Variants in SKI observed in about 807,000 individuals in gnomAD.
SKI encodes the protein ski oncogene.
In SKI, 23 loss-of-function variants were observed where a neutral mutation model predicts 59.3. The ratio of observed to expected loss-of-function variants is 0.39; its 90% CI spans 0.28 to 0.55. The LOEUF (loss-of-function observed/expected upper bound fraction) is 0.55, where lower values mean the gene tolerates loss of function less well. SKI is among the 20% of genes least tolerant of loss of function. The pLI, the probability that SKI is intolerant of heterozygous loss-of-function variation, is 0.67. For missense variants in SKI, 1,017 were observed against 1,038.9 expected (o/e 0.98, Z 0.29); for synonymous variants, 673 against 488.6 (o/e 1.38, Z -4.98).
chr1:2,254,195 CTGAT>C (rs1639225476), intron 1 of SKI, among the ~76,000 whole-genome samples: 1 of 152,204 alleles, frequency 6.6e-6, no homozygotes. Flanking sequence ...CCTCCAGACA[CTGAT>C]TGTGAAGAAT....
At chr1:2,285,010 T>A (rs530789906) in intron 1 of SKI, among the ~76,000 whole-genome samples, 3 of 152,346 alleles carry the variant, frequency 2.0e-5, no homozygotes, top group Admixed American at 6.5e-5. Context: ...TTGTTCTTGC[T>A]AAAGTTTTAT....
intron 1 of SKI, among the ~76,000 whole-genome samples, chr1:2,238,018 G>C (rs1295648453): frequency 6.6e-6 from 1 of 152,182 alleles, no homozygotes; most frequent in Non-Finnish European, 1.5e-5. Flanking sequence ...GCTGTCAAGG[G>C]CTTCTCTGTG....
intron 1 of SKI, among the ~76,000 whole-genome samples, chr1:2,300,014 G>C (rs1640384865): frequency 6.6e-6 from 1 of 152,232 alleles, no homozygotes; most frequent in Non-Finnish European, 1.5e-5. Context: ...GCTTTGCTCA[G>C]GAACTGTTCC....
chr1:2,303,342 G>C lies in SKI; in HGVS notation c.1153G>C (p.Ala385Pro). Reference protein sequence around the residue: ...RLSAFRPWSPAVSASEKELSP... With the variant: ...RLSAFRPWSPPVSASEKELSP... The stretch of plus-strand genomic sequence containing the variant: ...CTCTGCTTTCCGACCCTGGTCCCCC[G>C]CAGTGTCAGCGAGTGAGAAAGAGCT... The change falls in exon 3 of 7, where the codon GCA (alanine) becomes CCA (proline). Residue 385 changes from alanine (A) to proline (P), a missense_variant. Ala to Pro is a conservative substitution (Grantham distance 27, BLOSUM62 -1). Coordinates refer to ENST00000378536, the MANE Select transcript of SKI (RefSeq NM_003036.4). The surrounding 1 kb of genome is among the most constrained non-coding windows in gnomAD (Gnocchi z 5.6). The C allele has an allele frequency of 6.2e-7, 1 of 1,613,784 alleles. No individual in the cohort carries two copies. Among genetic ancestry groups the C allele is most frequent in the Non-Finnish European group, 8.5e-7 (1 of 1,180,028 alleles).
intron 1 of SKI, among the ~76,000 whole-genome samples, chr1:2,283,470 C>T (rs1051225297): frequency 6.6e-6 from 1 of 152,216 alleles, no homozygotes; most frequent in Non-Finnish European, 1.5e-5. Flanking sequence ...AGGGAGGGCC[C>T]TGTGATTCTC....
rs958169254 is a variant in SKI, at chr1:2,308,494, C to A, written c.*1729C>A. 2.6e-5 allele frequency: 4 copies of A among 152,252 alleles called. No individual in the cohort carries two copies. Among genetic ancestry groups the A allele is most frequent in the Non-Finnish European group, 5.9e-5 (4 of 68,050 alleles). The allele number at this position is 152,252 out of a possible 1,614,324, so 9.4% of individuals were successfully genotyped here. On this transcript the variant is annotated 3_prime_UTR_variant, in exon 7 of 7. Transcript: ENST00000378536. ...TTGTTCTGTGTGCATGGATTCCACA[C>A]CTCTGCCGTAGGTAGATCCGTCAGC...
chr1:2,240,890 C>T (rs1638856106), intron 1 of SKI: 8 of 754,522 alleles, frequency 1.1e-5, no homozygotes, highest in Non-Finnish European at 1.3e-5. Context: ...AGTGGCCCTG[C>T]GTCGACCCCA....
intron 1 of SKI, among the ~76,000 whole-genome samples, chr1:2,236,932 C>T (rs1473168670): frequency 6.6e-6 from 1 of 152,216 alleles, no homozygotes; most frequent in Non-Finnish European, 1.5e-5. Context: ...TCTAGGCTTC[C>T]TGCAGGTCCC....
chr1:2,304,912 G>C (rs1486402254), intron 5 of SKI, among the ~76,000 whole-genome samples: 1 of 152,260 alleles, frequency 6.6e-6, no homozygotes, highest in Admixed American at 6.5e-5. Flanking sequence ...TCTGGTATAA[G>C]GGAGGCCGGG....
chr1:2,293,870 C>T (rs1453672220), intron 1 of SKI, among the ~76,000 whole-genome samples: 1 of 152,214 alleles, frequency 6.6e-6, no homozygotes, highest in African/African-American at 2.4e-5. Flanking sequence ...CGGAATCTGT[C>T]GTGGGTTCTG....
At chr1:2,246,194 C>T (rs1638991230) in intron 1 of SKI, among the ~76,000 whole-genome samples, 2 of 152,224 alleles carry the variant, frequency 1.3e-5, no homozygotes. Flanking sequence ...GCATCCTCTC[C>T]AGCACTTGTT....
At chr1:2,292,425 G>C (rs991812757) in intron 1 of SKI, among the ~76,000 whole-genome samples, 168 of 152,328 alleles carry the variant, frequency 1.1e-3, no homozygotes, top group African/African-American at 3.9e-3. Flanking sequence ...TCATCTAGCA[G>C]ACGTTCATCA....
chr1:2,233,497 C>T (rs918242407), intron 1 of SKI, among the ~76,000 whole-genome samples: 2 of 152,082 alleles, frequency 1.3e-5, no homozygotes, highest in Non-Finnish European at 2.9e-5. Flanking sequence ...TGCCCTTGCG[C>T]TGTGTGGGCT....
At chr1:2,271,518 T>C (rs1569776714) in intron 1 of SKI, among the ~76,000 whole-genome samples, 1 of 152,126 alleles carries the variant, frequency 6.6e-6, no homozygotes, top group South Asian at 2.1e-4. Flanking sequence ...TGCTGGCAGG[T>C]TCCGCGGAGT....
At position 2,229,633 on chromosome 1, in the gene SKI, G is replaced by A. The variant is rs1378949662; in HGVS notation, c.867G>A (p.Gln289=). ...ANWRAYILLS[Q]DYTGKEEQAR... Reference sequence around the variant, plus strand: ...GGCGGGCCTACATCCTGCTGAGCCAGGATTACACGGGCAAGGAGGAGCAGG... The same window carrying A: ...GGCGGGCCTACATCCTGCTGAGCCAAGATTACACGGGCAAGGAGGAGCAGG... The change falls in exon 1 of 7, where the codon CAG becomes CAA. Residue 289 remains glutamine (Q), a synonymous_variant. Transcript: ENST00000378536. The surrounding 1 kb of genome is among the most constrained non-coding windows in gnomAD (Gnocchi z 6.3). 7.4e-6 allele frequency: 12 copies of A among 1,612,496 alleles called. No homozygotes were observed. The highest frequency in any genetic ancestry group is 1.0e-5 in the Non-Finnish European group (12 of 1,179,862).
intron 1 of SKI, among the ~76,000 whole-genome samples, chr1:2,239,232 T>G (rs1638813567): frequency 6.6e-6 from 1 of 152,276 alleles, no homozygotes; most frequent in African/African-American, 2.4e-5. Context: ...TTGCTAAGTT[T>G]TTTTTTGCAG....
chr1:2,282,645 C>T (rs1038745841), intron 1 of SKI, among the ~76,000 whole-genome samples: 6 of 152,316 alleles, frequency 3.9e-5, no homozygotes, highest in Admixed American at 6.5e-5. Flanking sequence ...CCCCCAAGCC[C>T]GCTGGCTCCC....
intron 1 of SKI, among the ~76,000 whole-genome samples, chr1:2,233,933 G>A (rs888134313): frequency 2.0e-5 from 3 of 152,196 alleles, no homozygotes; most frequent in Non-Finnish European, 4.4e-5. Context: ...CCTCAGGTCC[G>A]GGGAGCACTT....
At chr1:2,300,790 C>T (rs1169333054) in intron 1 of SKI, among the ~76,000 whole-genome samples, 1 of 152,178 alleles carries the variant, frequency 6.6e-6, no homozygotes, top group Non-Finnish European at 1.5e-5. Context: ...AGACCAGGAG[C>T]GTCCCTGGCC....
Sources: gnomAD v4.1 joint callset for allele counts (sites outside exome capture counted in the v4.1 genomes callset) on GRCh38, gnomAD v4.1.1 for gene constraint, Gnocchi (gnomAD v3.1) non-coding constraint, MANE v1.5 for transcripts, NCBI Gene and HGNC (gene_info 2026-07-23, HGNC 2026-07-21) for gene names.